Variants in HS6ST3 observed in about 807,000 individuals in gnomAD.
HS6ST3 encodes the protein heparan sulfate 6-O-sulfotransferase 3.
A neutral mutation model predicts 36.7 loss-of-function variants in HS6ST3; 12 were observed. The observed-to-expected ratio is 0.33, with a 90% CI of 0.21 to 0.53. The LOEUF is 0.53. Among genes scored for constraint, HS6ST3 ranks in the 20% least tolerant of loss-of-function variants. HS6ST3 has a pLI of 0.95. For synonymous variants in HS6ST3, 240 were observed against 257.5 expected, an observed-to-expected ratio of 0.93 and a Z score of 0.65; for missense variants, 584 against 640.9, an observed-to-expected ratio of 0.91 and a Z score of 0.96.
intron 1 of HS6ST3, among the ~76,000 whole-genome samples, chr13:96,586,584 C>A (rs2056362459): frequency 6.6e-6 from 1 of 152,180 alleles, no homozygotes; most frequent in Non-Finnish European, 1.5e-5. Context: ...GCATTAGCCA[C>A]CATACCTGGC....
At chr13:96,334,962 G>A (rs1371177718) in intron 1 of HS6ST3, among the ~76,000 whole-genome samples, 1 of 152,238 alleles carries the variant, frequency 6.6e-6, no homozygotes, top group Non-Finnish European at 1.5e-5. Flanking sequence ...TCTCCCATCA[G>A]TTGGTTAGTG....
chr13:96,384,238 ATTTAT>A (rs553208205), intron 1 of HS6ST3, among the ~76,000 whole-genome samples: 2 of 152,026 alleles, frequency 1.3e-5, no homozygotes, highest in Admixed American at 6.5e-5. Context: ...ATAAAATCAC[ATTTAT>A]TTTATTTTAT....
At chr13:96,167,162 C>T (rs2139332157) in intron 1 of HS6ST3, among the ~76,000 whole-genome samples, 1 of 152,170 alleles carries the variant, frequency 6.6e-6, no homozygotes, top group East Asian at 1.9e-4. Context: ...GCGATCAGAT[C>T]CCTGACACTT....
chr13:96,306,704 T>C (rs754449243), intron 1 of HS6ST3, among the ~76,000 whole-genome samples: 8 of 152,172 alleles, frequency 5.3e-5, no homozygotes, highest in Non-Finnish European at 1.2e-4. Flanking sequence ...GCACGGCCTG[T>C]GTTCTTGCTT....
chr13:96,156,184 C>A (rs2139326048), intron 1 of HS6ST3, among the ~76,000 whole-genome samples: 1 of 152,244 alleles, frequency 6.6e-6, no homozygotes, highest in Admixed American at 6.5e-5. Context: ...GGGTCATTAT[C>A]CCCATTCTAT....
Position 96,834,249 on chromosome 13 carries a change from T to C in HS6ST3, c.*1051T>C, listed in dbSNP as rs1878874362. 6.6e-6 allele frequency: 1 copy of C among 152,216 alleles called. No individual in the cohort carries two copies. The highest frequency in any genetic ancestry group is 2.4e-5 in the African/African-American group (1 of 41,458). 9.4% of individuals were successfully genotyped at this position (152,216 alleles called of 1,614,324 possible). A position where few individuals can be genotyped will look rare whatever the true frequency, so the allele number is the denominator to read the frequency against. The stretch of plus-strand genomic sequence containing the variant: ...ACTTAGCTAGCATGTATACAAAATA[T>C]ATTTGAGGTTACTAAATGAATAAAA... On this transcript the variant is annotated 3_prime_UTR_variant, in exon 2 of 2. Transcript: ENST00000376705.
intron 1 of HS6ST3, among the ~76,000 whole-genome samples, chr13:96,106,936 A>G (rs2053844491): frequency 6.6e-6 from 1 of 152,234 alleles, no homozygotes; most frequent in Admixed American, 6.5e-5. Context: ...TACATTTGAA[A>G]TCAGTCCAGT....
At chr13:96,398,225 A>C (rs2055432069) in intron 1 of HS6ST3, among the ~76,000 whole-genome samples, 1 of 152,184 alleles carries the variant, frequency 6.6e-6, no homozygotes, top group South Asian at 2.1e-4. Context: ...ATTATAAGAA[A>C]GTTTCCAATA....
At chr13:96,797,930 A>G (rs1020094299) in intron 1 of HS6ST3, among the ~76,000 whole-genome samples, 27 of 151,976 alleles carry the variant, frequency 1.8e-4, no homozygotes, top group Admixed American at 1.4e-3. Flanking sequence ...AAGACTACCC[A>G]CTACACCACA....
At chr13:96,775,905 T>G (rs1877377207) in intron 1 of HS6ST3, among the ~76,000 whole-genome samples, 1 of 152,044 alleles carries the variant, frequency 6.6e-6, no homozygotes, top group Non-Finnish European at 1.5e-5. Flanking sequence ...CAGCACCACA[T>G]CGCAATGATT....
rs1420209243 is a variant in HS6ST3, at chr13:96,090,908, C to G, written c.46C>G (p.Leu16Val). ...NKWLLTPVLT[L>V]LFVVIMYQYV... The stretch of plus-strand genomic sequence containing the variant: ...GTGGCTGCTGACGCCGGTGCTCACT[C>G]TCCTCTTCGTGGTCATCATGTACCA... The change falls in exon 1 of 2, where the codon CTC becomes GTC. Residue 16 changes from leucine (L) to valine (V), a missense_variant. Around this residue, in one of 3 missense-constraint regions of HS6ST3, gnomAD observed 217 missense variants for 205.4 expected, o/e 1.06. Transcript: ENST00000376705. The G allele has an allele frequency of 2.0e-6, 3 of 1,514,600 alleles. No individual in the cohort carries two copies. Among genetic ancestry groups the G allele is most frequent in the Non-Finnish European group, 2.7e-6 (3 of 1,126,884 alleles). The allele number at this position is 1,514,600 out of a possible 1,614,324, so 93.8% of individuals were successfully genotyped here. A position where few individuals can be genotyped will look rare whatever the true frequency, so the allele number is the denominator to read the frequency against.
intron 1 of HS6ST3, among the ~76,000 whole-genome samples, chr13:96,440,513 G>A (rs2055665520): frequency 6.6e-6 from 1 of 150,942 alleles, no homozygotes; most frequent in South Asian, 2.1e-4. Flanking sequence ...GGAAAGGAAA[G>A]GAAAGGAAAG....
chr13:96,210,948 T>C (rs1423114471), intron 1 of HS6ST3, among the ~76,000 whole-genome samples: 1 of 151,002 alleles, frequency 6.6e-6, no homozygotes, highest in Admixed American at 6.6e-5. Flanking sequence ...TTTTTTTTCT[T>C]GGAGACAGAG....
intron 1 of HS6ST3, among the ~76,000 whole-genome samples, chr13:96,492,643 C>A (rs1439092076): frequency 6.6e-6 from 1 of 152,168 alleles, no homozygotes. Flanking sequence ...TGTACTGAGA[C>A]CCTAATACAT....
Position 96,118,496 on chromosome 13 carries a change from C to T in HS6ST3, c.707+26927C>T, listed in dbSNP as rs986758838. 4.0e-5 allele frequency among the ~76,000 whole-genome samples: 6 copies of T among 151,384 alleles called. No individual in the cohort carries two copies. In the South Asian group the frequency reaches 1.2e-3, roughly 32 times the overall value. The stretch of plus-strand genomic sequence containing the variant: ...TAATGGCAACCCTAGCAAACTGATA[C>T]AGATGCCAAAAGAAAATGATGGACA... On this transcript the variant is annotated intron_variant, in intron 1 of 1. Transcript: ENST00000376705.
chr13:96,323,207 T>G (rs2055013440), intron 1 of HS6ST3, among the ~76,000 whole-genome samples: 1 of 152,232 alleles, frequency 6.6e-6, no homozygotes, highest in African/African-American at 2.4e-5. Flanking sequence ...TCTGATAGAT[T>G]ATCTCAATGT....
chr13:96,144,358 A>G (rs1052182782), intron 1 of HS6ST3, among the ~76,000 whole-genome samples: 9 of 152,150 alleles, frequency 5.9e-5, no homozygotes, highest in Non-Finnish European at 1.0e-4. Context: ...TGATGCATAA[A>G]TGTAATAACT....
Position 96,293,063 on chromosome 13 carries a change from T to A in HS6ST3, c.707+201494T>A, listed in dbSNP as rs557990571. ...TGACACCTCCACCCCCAAATCAATA[T>A]TTTATTATTGAATAAAATAGTATAG... is the stretch of plus-strand genomic sequence containing the variant. On this transcript the variant is annotated intron_variant, in intron 1 of 1. Coordinates refer to ENST00000376705, the MANE Select transcript of HS6ST3 (RefSeq NM_153456.4). Among the ~76,000 whole-genome samples the A allele has an allele frequency of 2.6e-5, 4 of 152,206 alleles. No individual in the cohort carries two copies. The South Asian group carries it at 8.3e-4, about 32-fold the overall frequency.
chr13:96,090,781 T>C lies in HS6ST3; in HGVS notation c.-82T>C. On this transcript the variant is annotated 5_prime_UTR_variant, in exon 1 of 2. Coordinates refer to ENST00000376705, the MANE Select transcript of HS6ST3 (RefSeq NM_153456.4). Reference sequence around the variant, plus strand: ...GCGGGCTCCGAGCCGCGCCCCGGAGTCCGCGAAACTTCCGAGCGGGCGCCC... The same window carrying C: ...GCGGGCTCCGAGCCGCGCCCCGGAGCCCGCGAAACTTCCGAGCGGGCGCCC... The C allele has an allele frequency of 8.5e-7, 1 of 1,183,124 alleles. No individual in the cohort carries two copies. Among genetic ancestry groups the C allele is most frequent in the Non-Finnish European group, 1.1e-6 (1 of 918,474 alleles). The allele number at this position is 1,183,124 out of a possible 1,614,324, so 73.3% of individuals were successfully genotyped here.
Sources: gnomAD v4.1 joint callset for allele counts (sites outside exome capture counted in the v4.1 genomes callset) on GRCh38, gnomAD v4.1.1 for gene constraint, gnomAD v4.1.1 regional missense constraint, MANE v1.5 for transcripts, NCBI Gene and HGNC (gene_info 2026-07-23, HGNC 2026-07-21) for gene names.